Variants in ANKRD44 observed in about 807,000 individuals in gnomAD.
ANKRD44 encodes ankyrin repeat domain 44, also known as serine/threonine-protein phosphatase 6 regulatory ankyrin repeat subunit B.
ANKRD44 carries 35 observed loss-of-function variants against 116.0 expected under a neutral mutation model. The ratio of observed to expected loss-of-function variants is 0.30; its 90% CI spans 0.23 to 0.40. The LOEUF (loss-of-function observed/expected upper bound fraction) is 0.40. Among genes scored for constraint, ANKRD44 ranks in the 10% least tolerant of loss-of-function variants. The pLI, the probability that ANKRD44 is intolerant of heterozygous loss-of-function variation, is 1.00. For missense variants in ANKRD44, 1,014 were observed against 1,242.6 expected (o/e 0.82, Z 2.77); for synonymous variants, 435 against 461.8 (o/e 0.94, Z 0.74).
At chr2:196,982,206 A>G (rs1306922436), downstream of ANKRD44, among the ~76,000 whole-genome samples, 3 of 151,088 alleles carry the variant, frequency 2.0e-5, no homozygotes, top group African/African-American at 7.3e-5. Context: ...AAGGACATGC[A>G]CACAGAGACC....
chr2:197,196,512 A>C (rs1349545016), intron 1 of ANKRD44, among the ~76,000 whole-genome samples: 1 of 152,218 alleles, frequency 6.6e-6, no homozygotes, highest in African/African-American at 2.4e-5. Flanking sequence ...ATTTTTGAGA[A>C]TCTCACAAAT....
intron 2 of ANKRD44, among the ~76,000 whole-genome samples, chr2:197,159,154 A>C (rs1037408755): frequency 6.6e-6 from 1 of 152,222 alleles, no homozygotes; most frequent in African/African-American, 2.4e-5. Flanking sequence ...CCTGGAATTA[A>C]AAGCAAAAGC....
At chr2:197,147,455 A>G (rs2125433698) in intron 2 of ANKRD44, among the ~76,000 whole-genome samples, 1 of 151,382 alleles carries the variant, frequency 6.6e-6, no homozygotes, top group East Asian at 1.9e-4. Context: ...AATCTAACCT[A>G]CCATAGCAAT....
intron 1 of ANKRD44, among the ~76,000 whole-genome samples, chr2:197,242,783 C>A (rs1333907905): frequency 2.0e-5 from 3 of 152,132 alleles, no homozygotes; most frequent in Non-Finnish European, 1.5e-5. Context: ...TTTACCTGGG[C>A]CTCAACACTC....
At chr2:196,976,867 CA>C (rs1460401058) in intron 21 of ANKRD44, among the ~76,000 whole-genome samples, 1 of 120,390 alleles carries the variant, frequency 8.3e-6, no homozygotes, top group Non-Finnish European at 1.7e-5. Flanking sequence ...GATCTTGTCT[CA>C]AAAGAAGGAA....
intron 16 of ANKRD44, among the ~76,000 whole-genome samples, chr2:197,034,170 A>G (rs1393157993): frequency 6.6e-6 from 1 of 151,816 alleles, no homozygotes; most frequent in Non-Finnish European, 1.5e-5. Flanking sequence ...ACAGAGATCA[A>G]CCTCAACCTA....
At chr2:197,305,825 C>CT (rs1005702923) in intron 1 of ANKRD44, among the ~76,000 whole-genome samples, 1 of 151,702 alleles carries the variant, frequency 6.6e-6, no homozygotes, top group Non-Finnish European at 1.5e-5. Flanking sequence ...TTTTAACTGG[C>CT]TACCCAGACA....
At chr2:197,194,093 G>C (rs2080890806) in intron 1 of ANKRD44, among the ~76,000 whole-genome samples, 2 of 152,192 alleles carry the variant, frequency 1.3e-5, no homozygotes, top group Admixed American at 1.3e-4. Flanking sequence ...AAATACTACA[G>C]AGTAAATAAA....
chr2:197,010,475 C>A (rs943628131), intron 18 of ANKRD44, among the ~76,000 whole-genome samples: 2 of 152,130 alleles, frequency 1.3e-5, no homozygotes, highest in Non-Finnish European at 2.9e-5. Context: ...GGCCCCCATG[C>A]GGGGCAGGCC....
chr2:196,976,187 A>G lies in ANKRD44; in HGVS notation c.2369-8741T>C, dbSNP rs571676999. Among the ~76,000 whole-genome samples the G allele has an allele frequency of 2.6e-5, 4 of 152,250 alleles. No individual in the cohort carries two copies. The South Asian group carries it at 8.3e-4, about 32-fold the overall frequency. On this transcript the variant is annotated intron_variant, in intron 21 of 21. Transcript: ENST00000424317. The stretch of plus-strand genomic sequence containing the variant: ...CGCTCTGTCGCCCAGGTTGGAGTGC[A>G]GTGCAGTGGCGCAATCTTGGCTTAC...
chr2:197,280,371 G>C (rs543814499), intron 1 of ANKRD44, among the ~76,000 whole-genome samples: 1 of 152,304 alleles, frequency 6.6e-6, no homozygotes, highest in East Asian at 1.9e-4. Flanking sequence ...GAAACTGCTC[G>C]TAACAAAAGC....
At chr2:197,187,752 G>A (rs1414876647) in intron 1 of ANKRD44, among the ~76,000 whole-genome samples, 3 of 151,928 alleles carry the variant, frequency 2.0e-5, no homozygotes, top group Non-Finnish European at 2.9e-5. Context: ...CAGTGAAAAC[G>A]TGGCCGTTGG....
chr2:197,173,847 A>G (rs2080298756), intron 2 of ANKRD44, among the ~76,000 whole-genome samples: 1 of 152,174 alleles, frequency 6.6e-6, no homozygotes, highest in East Asian at 1.9e-4. Context: ...AGCCTGGCCA[A>G]CATGGTGAAA....
intron 16 of ANKRD44, among the ~76,000 whole-genome samples, chr2:197,059,544 G>A (rs2077268660): frequency 6.6e-6 from 1 of 152,158 alleles, no homozygotes; most frequent in Admixed American, 6.5e-5. Flanking sequence ...CTGGCTAGTG[G>A]ACATTAAAAG....
intron 1 of ANKRD44, among the ~76,000 whole-genome samples, chr2:197,297,526 G>A (rs2083758681): frequency 6.6e-6 from 1 of 152,146 alleles, no homozygotes; most frequent in African/African-American, 2.4e-5. Flanking sequence ...TTTCCCACTT[G>A]ATTATCACAA....
intron 4 of ANKRD44, chr2:197,136,193 G>A (rs79239538): frequency 0.011 from 2,123 of 191,428 alleles, 23 homozygotes; most frequent in South Asian, 0.02. Context: ...CCTTCTCCTG[G>A]CCTGCTAAGT....
chr2:197,021,198 T>C (rs891903894), intron 17 of ANKRD44, among the ~76,000 whole-genome samples: 3 of 152,236 alleles, frequency 2.0e-5, no homozygotes, highest in Admixed American at 1.3e-4. Flanking sequence ...AGCCTATCAT[T>C]GATGGACATT....
intron 17 of ANKRD44, among the ~76,000 whole-genome samples, chr2:197,023,949 A>T (rs946840600): frequency 2.0e-5 from 3 of 152,178 alleles, no homozygotes; most frequent in African/African-American, 7.2e-5. Context: ...CTCAAAATGC[A>T]TGTGTGTATG....
chr2:197,237,046 G>A (rs780708344), intron 1 of ANKRD44, among the ~76,000 whole-genome samples: 3 of 151,844 alleles, frequency 2.0e-5, no homozygotes, highest in East Asian at 3.9e-4. Flanking sequence ...GGTGTAGAAC[G>A]GAGCTGATGA....
Sources: allele counts gnomAD v4.1 joint callset (sites outside exome capture counted in the v4.1 genomes callset), GRCh38; gene constraint gnomAD v4.1.1; transcripts MANE v1.5; gene names NCBI Gene and HGNC (gene_info 2026-07-23, HGNC 2026-07-21).